DDB1: variants seen among roughly 807,000 people sequenced by gnomAD.
DDB1 encodes damage specific DNA binding protein 1.
DDB1 carries 18 observed loss-of-function variants against 133.1 expected under a neutral mutation model. That is an observed-to-expected ratio of 0.14 (90% CI 0.09 to 0.20). DDB1 has a LOEUF of 0.20. Ranked by LOEUF, DDB1 falls within the 10% of genes least tolerant of loss-of-function variation. The pLI, the probability that DDB1 is intolerant of heterozygous loss-of-function variation, is 1.00. For synonymous variants in DDB1, 580 were observed against 550.5 expected, an observed-to-expected ratio of 1.05 and a Z score of -0.75; for missense variants, 828 against 1,459.2, an observed-to-expected ratio of 0.57 and a Z score of 7.05.
At chr11:61,330,124 C>A in intron 2 of DDB1, 50 bp from the exon 3 acceptor site, 1 of 1,460,894 alleles carries the variant, frequency 6.8e-7, no homozygotes, top group Non-Finnish European at 9.5e-7. Flanking sequence ...AAAACAGGAA[C>A]AACCTGTCCA....
At chr11:61,300,355 C>A in intron 26 of DDB1, 136 bp from the exon 27 acceptor site, 1 of 868,262 alleles carries the variant, frequency 1.2e-6, no homozygotes. Flanking sequence ...CAGAAACCCA[C>A]GCCTCCCCCT....
In DDB1 at chr11:61,302,974, A is replaced by G. The variant is rs1044799205; in HGVS notation, c.2942+72T>C. 6.3e-6 allele frequency: 9 copies of G among 1,423,084 alleles called. No individual in the cohort carries two copies. In the South Asian group the frequency reaches 1.1e-4, roughly 17 times the overall value. The allele number at this position is 1,423,084 out of a possible 1,614,324, so 88.2% of individuals were successfully genotyped here. On this transcript the variant is annotated intron_variant, in intron 23 of 26. Transcript: ENST00000301764. ...AGCACCTGAACCTGACACAGAACCCAATGCTTGCATCCACCAGAGACCAAG... is the reference window on the plus strand; with the variant it reads ...AGCACCTGAACCTGACACAGAACCCGATGCTTGCATCCACCAGAGACCAAG...
intron 2 of DDB1, among the ~76,000 whole-genome samples, chr11:61,330,670 T>G (rs901505872): frequency 9.0e-5 from 13 of 144,380 alleles, no homozygotes; most frequent in African/African-American, 1.5e-4. Context: ...TTGTTTGGTG[T>G]TTTTTTTTTT....
Position 61,331,596 on chromosome 11 carries a change from T to C in DDB1, c.157A>G (p.Lys53Glu). The change falls in exon 2 of 27, where the codon AAA becomes GAA. Residue 53 changes from lysine (K) to glutamate (E), a missense_variant. Transcript: ENST00000301764. The stretch of plus-strand genomic sequence containing the variant: ...ATCTTCCCATACATGCCCACCTCTT[T>C]GACGGGCCGAAGCCCCTCGGCGGTG... ...VVTAEGLRPV[K>E]EVGMYGKIAV... The C allele has an allele frequency of 6.2e-7, 1 of 1,614,186 alleles. No homozygotes were observed. Among genetic ancestry groups the C allele is most frequent in the African/African-American group, 1.3e-5 (1 of 75,040 alleles).
chr11:61,321,897 CA>C lies in DDB1; in HGVS notation c.1123-201del, dbSNP rs965632070. The C allele has an allele frequency of 5.2e-6, 3 of 579,440 alleles. No homozygotes were observed. The African/African-American group carries it at 5.6e-5, about 11-fold the overall frequency. 35.9% of individuals were successfully genotyped at this position (579,440 alleles called of 1,614,324 possible). A position where few individuals can be genotyped will look rare whatever the true frequency, so the allele number is the denominator to read the frequency against. ...AGACAGGACATCCTAGTCCAGGAAG[CA>C]AAAAGCTTCTACCACTGCTCCTAGC... On this transcript the variant is annotated intron_variant, in intron 9 of 26. Transcript: ENST00000301764.
In DDB1 at chr11:61,325,525, C is replaced by T. The variant is rs113074319; in HGVS notation, c.762+86G>A. 25 of 1,135,952 alleles carry T rather than the reference C, an allele frequency of 2.2e-5. No individual in the cohort carries two copies. The African/African-American group carries it at 2.3e-4, about 11-fold the overall frequency. The allele number at this position is 1,135,952 out of a possible 1,614,324, so 70.4% of individuals were successfully genotyped here. On this transcript the variant is annotated intron_variant, in intron 6 of 26. Coordinates refer to ENST00000301764, the MANE Select transcript of DDB1 (RefSeq NM_001923.5). ...TTGTGTAACAGGCATCTGTGAATCT[C>T]CTTTTGATAAATAAGAGAAAGGGAG...
intron 6 of DDB1, among the ~76,000 whole-genome samples, chr11:61,324,891 G>A (rs1490103529): frequency 6.6e-6 from 1 of 152,178 alleles, no homozygotes. Context: ...GCTCATGCCT[G>A]TAATCCCGGC....
At chr11:61,327,017 C>G in intron 4 of DDB1, 124 bp from the exon 5 acceptor site, 1 of 703,094 alleles carries the variant, frequency 1.4e-6, no homozygotes, top group Non-Finnish European at 2.5e-6. Context: ...AGCCCTCCCA[C>G]CCTTATCCAT....
intron 3 of DDB1, 34 bp downstream of exon 3, chr11:61,329,924 G>A: frequency 6.4e-7 from 1 of 1,567,676 alleles, no homozygotes; most frequent in Non-Finnish European, 8.8e-7. Context: ...GCCCTACTTA[G>A]AAAACTTTCA....
chr11:61,299,980 A>G lies in DDB1; in HGVS notation c.*156T>C, dbSNP rs1243638327. ...TCAGCTCATTCCCAAGTCTCTATGA[A>G]GCCCGCCCCACTTCCACATAGGGGA... On this transcript the variant is annotated 3_prime_UTR_variant, in exon 27 of 27. Coordinates refer to ENST00000301764, the MANE Select transcript of DDB1 (RefSeq NM_001923.5). 1.5e-6 allele frequency: 1 copy of G among 671,144 alleles called. No individual in the cohort carries two copies. Among genetic ancestry groups the G allele is most frequent in the African/African-American group, 1.8e-5 (1 of 55,694 alleles). 41.6% of individuals were successfully genotyped at this position (671,144 alleles called of 1,614,324 possible). A position where few individuals can be genotyped will look rare whatever the true frequency, so the allele number is the denominator to read the frequency against.
chr11:61,303,734 T>C (rs1590678832), intron 22 of DDB1, 131 bp downstream of exon 22: 1 of 666,422 alleles, frequency 1.5e-6, no homozygotes. Flanking sequence ...ACTTAATCAA[T>C]GTAGAATGTC....
At chr11:61,331,289 C>T (rs1167094696) in intron 2 of DDB1, among the ~76,000 whole-genome samples, 1 of 152,052 alleles carries the variant, frequency 6.6e-6, no homozygotes, top group Non-Finnish European at 1.5e-5. Context: ...TCTCCTAAAG[C>T]ATATTCCACC....
rs1447354489 is a variant in DDB1, at chr11:61,308,972, C to A, written c.2661+11G>T. ...CAGCCTAAAGTAAGTACCAAGTGGT[C>A]CAGGCCTCACCGTGCTATTGATGCT... On this transcript the variant is annotated intron_variant, in intron 21 of 26. Transcript: ENST00000301764. The A allele has an allele frequency of 6.2e-6, 10 of 1,613,938 alleles. No homozygotes were observed. In the South Asian group the frequency reaches 1.1e-4, roughly 18 times the overall value.
At chr11:61,331,274 G>C (rs1481875655) in intron 2 of DDB1, among the ~76,000 whole-genome samples, 1 of 152,132 alleles carries the variant, frequency 6.6e-6, no homozygotes, top group African/African-American at 2.4e-5. Context: ...AAAGAGAAGA[G>C]TTTTTCTCCT....
At chr11:61,304,556 C>A (rs1855853962) in intron 21 of DDB1, among the ~76,000 whole-genome samples, 1 of 152,056 alleles carries the variant, frequency 6.6e-6, no homozygotes, top group Non-Finnish European at 1.5e-5. Flanking sequence ...CTACAGCCAC[C>A]CTCTACCACC....
chr11:61,302,978 C>T (rs540233358), intron 23 of DDB1, 68 bp downstream of exon 23: 140 of 1,446,226 alleles, frequency 9.7e-5, no homozygotes, highest in Admixed American at 8.1e-4. Context: ...GAACCCAATG[C>T]TTGCATCCAC....
At position 61,319,830 on chromosome 11, in the gene DDB1, C is replaced by T. The variant is rs57754518; in HGVS notation, c.1225+1765G>A. On this transcript the variant is annotated intron_variant, in intron 10 of 26. Coordinates refer to ENST00000301764, the MANE Select transcript of DDB1 (RefSeq NM_001923.5). ...GAAACATTGTATACATATTCAGGTA[C>T]ATTAAATATAAAGAGAGAACAGCTT... Among the ~76,000 whole-genome samples, 32 of 152,318 alleles carry T rather than the reference C, an allele frequency of 2.1e-4. No homozygotes were observed. The East Asian group carries it at 6.2e-3, about 29-fold the overall frequency.
intron 6 of DDB1, among the ~76,000 whole-genome samples, chr11:61,324,919 C>T (rs1281532474): frequency 2.0e-5 from 3 of 152,124 alleles, no homozygotes; most frequent in Non-Finnish European, 4.4e-5. Context: ...GAGGCTGAGG[C>T]GGATGGATCA....
chr11:61,329,632 C>A (rs1270697808), intron 3 of DDB1, 48 bp from the exon 4 acceptor site: 8 of 1,532,402 alleles, frequency 5.2e-6, no homozygotes, highest in Non-Finnish European at 7.1e-6. Context: ...ATCCACAGAG[C>A]AACAGAGGAC....
Sources: allele counts gnomAD v4.1 joint callset (sites outside exome capture counted in the v4.1 genomes callset), GRCh38; gene constraint gnomAD v4.1.1; transcripts MANE v1.5; gene names NCBI Gene and HGNC (gene_info 2026-07-23, HGNC 2026-07-21).